The following ADORA2B variants were observed in gnomAD, a reference collection of about 807,000 sequenced individuals.
ADORA2B encodes the protein adenosine A2b receptor, also known as adenosine receptor A2b.
ADORA2B carries 18 observed loss-of-function variants against 20.8 expected under a neutral mutation model. The observed-to-expected ratio is 0.87, with a 90% CI of 0.60 to 1.29. The LOEUF (loss-of-function observed/expected upper bound fraction) is 1.29. Among genes scored for constraint, ADORA2B ranks in the 50% most tolerant of loss-of-function variants. The probability of loss-of-function intolerance (pLI) is 0.00; values close to 1 mark genes in which losing one functional copy is unlikely to be tolerated. For synonymous variants in ADORA2B, 179 were observed against 178.3 expected, an observed-to-expected ratio of 1.00 and a Z score of -0.03; for missense variants, 441 against 422.7, an observed-to-expected ratio of 1.04 and a Z score of -0.38.
the ADORA2B span, among the ~76,000 whole-genome samples, chr17:15,883,207 C>A: frequency 6.6e-6 from 1 of 152,140 alleles, no homozygotes; most frequent in African/African-American, 2.4e-5. Flanking sequence ...TTCCTTAGAA[C>A]TAATTCTTTA....
chr17:15,948,854 A>G (rs1397082458), intron 1 of ADORA2B, among the ~76,000 whole-genome samples: 2 of 152,044 alleles, frequency 1.3e-5, no homozygotes, highest in Non-Finnish European at 2.9e-5. Context: ...TCTTAGCAAG[A>G]CTTTGTGCTT....
the ADORA2B span, among the ~76,000 whole-genome samples, chr17:15,867,019 G>A: frequency 2.6e-5 from 4 of 152,250 alleles, no homozygotes; most frequent in African/African-American, 9.7e-5. Context: ...GCTCCTAACT[G>A]CGAGTGATCC....
chr17:15,865,992 A>G, the ADORA2B span, among the ~76,000 whole-genome samples: 1 of 149,294 alleles, frequency 6.7e-6, no homozygotes, highest in Non-Finnish European at 1.5e-5. Context: ...CTATACTGTA[A>G]TTTGTTCATT....
chr17:15,904,198 T>C, the ADORA2B span, among the ~76,000 whole-genome samples: 2 of 152,166 alleles, frequency 1.3e-5, no homozygotes, highest in Non-Finnish European at 2.9e-5. Flanking sequence ...TAGACTGGTC[T>C]CGAACTCTTG....
chr17:15,972,258 G>GC (rs1351609620), intron 1 of ADORA2B, among the ~76,000 whole-genome samples: 2 of 152,150 alleles, frequency 1.3e-5, no homozygotes, highest in African/African-American at 4.8e-5. Context: ...AGGCTGGGGG[G>GC]TTCTGCGGCC....
the ADORA2B span, among the ~76,000 whole-genome samples, chr17:15,929,705 A>T: frequency 6.6e-6 from 1 of 152,266 alleles, no homozygotes; most frequent in Non-Finnish European, 1.5e-5. Flanking sequence ...AGAAATTCTG[A>T]CAACAGTGCT....
the ADORA2B span, among the ~76,000 whole-genome samples, chr17:15,878,198 C>T: frequency 5.4e-5 from 7 of 129,754 alleles, no homozygotes; most frequent in African/African-American, 3.0e-4. Flanking sequence ...CACACACACA[C>T]ACACACACAC....
chr17:15,884,680 C>T, the ADORA2B span, among the ~76,000 whole-genome samples: 1 of 152,162 alleles, frequency 6.6e-6, no homozygotes, highest in Non-Finnish European at 1.5e-5. Flanking sequence ...GTTTGGTTTT[C>T]TCTTCCTGTA....
At chr17:15,941,277 C>T (rs899473278), upstream of ADORA2B, among the ~76,000 whole-genome samples, 2 of 152,114 alleles carry the variant, frequency 1.3e-5, no homozygotes, top group African/African-American at 4.8e-5. Context: ...TTTAGCCTGA[C>T]CCTGTGAAGT....
At chr17:15,927,870 G>A in the ADORA2B span, among the ~76,000 whole-genome samples, 1 of 152,172 alleles carries the variant, frequency 6.6e-6, no homozygotes, top group Non-Finnish European at 1.5e-5. Context: ...CATCCAAGTG[G>A]AGAAGGTGAG....
chr17:15,869,628 G>A, the ADORA2B span, among the ~76,000 whole-genome samples: 2 of 152,120 alleles, frequency 1.3e-5, no homozygotes, highest in African/African-American at 4.8e-5. Context: ...GTGCTCTCCT[G>A]GGATGACAGC....
chr17:15,930,223 T>C, the ADORA2B span, among the ~76,000 whole-genome samples: 1 of 152,112 alleles, frequency 6.6e-6, no homozygotes, highest in African/African-American at 2.4e-5. Flanking sequence ...TTTTTAAATT[T>C]TTATATATTT....
the ADORA2B span, among the ~76,000 whole-genome samples, chr17:15,930,506 A>G: frequency 8.5e-5 from 13 of 152,072 alleles, no homozygotes; most frequent in African/African-American, 3.1e-4. Context: ...GTATTGGCCA[A>G]GCTGGTCTTG....
At chr17:15,881,350 C>T in the ADORA2B span, among the ~76,000 whole-genome samples, 1 of 152,208 alleles carries the variant, frequency 6.6e-6, no homozygotes, top group Non-Finnish European at 1.5e-5. Flanking sequence ...ATCCATCTGC[C>T]TCGGCCTCCC....
At chr17:15,923,407 ATTT>A in the ADORA2B span, among the ~76,000 whole-genome samples, 2,043 of 120,170 alleles carry the variant, frequency 0.017, 17 homozygotes, top group South Asian at 0.031. Context: ...ATATATATAT[ATTT>A]TTTTTTTCTT....
intron 1 of ADORA2B, among the ~76,000 whole-genome samples, chr17:15,959,285 A>G (rs1970007184): frequency 6.6e-6 from 1 of 152,204 alleles, no homozygotes; most frequent in Non-Finnish European, 1.5e-5. Context: ...TGAGTACAGT[A>G]CATATTTGTA....
chr17:15,893,645 A>C, the ADORA2B span, among the ~76,000 whole-genome samples: 1 of 152,226 alleles, frequency 6.6e-6, no homozygotes, highest in East Asian at 1.9e-4. Context: ...AAGAACCAGC[A>C]AGCACCAACA....
the ADORA2B span, among the ~76,000 whole-genome samples, chr17:15,895,207 G>A: frequency 6.6e-6 from 1 of 152,098 alleles, no homozygotes; most frequent in South Asian, 2.1e-4. Flanking sequence ...TAAATGTTAA[G>A]CTCATTTTAA....
the ADORA2B span, among the ~76,000 whole-genome samples, chr17:15,898,698 G>A: frequency 6.6e-6 from 1 of 152,018 alleles, no homozygotes; most frequent in Non-Finnish European, 1.5e-5. Flanking sequence ...TTTGTCTTAA[G>A]TTTTGTCTAA....
Sources: gnomAD v4.1 joint callset for allele counts (sites outside exome capture counted in the v4.1 genomes callset) on GRCh38, gnomAD v4.1.1 for gene constraint, MANE v1.5 for transcripts, NCBI Gene and HGNC (gene_info 2026-07-23, HGNC 2026-07-21) for gene names.